PRR12: variants seen among roughly 807,000 people sequenced by gnomAD.
PRR12 encodes proline rich 12, also known as proline-rich protein 12.
PRR12 carries 12 observed loss-of-function variants against 138.0 expected under a neutral mutation model. The ratio of observed to expected loss-of-function variants is 0.09; its 90% CI spans 0.06 to 0.14. The LOEUF (loss-of-function observed/expected upper bound fraction) is 0.14, where lower values mean the gene tolerates loss of function less well. Ranked by LOEUF, PRR12 falls within the 10% of genes least tolerant of loss-of-function variation. PRR12 has a pLI of 1.00. For missense variants in PRR12, 2,692 were observed against 2,861.3 expected (o/e 0.94, Z 1.35); for synonymous variants, 1,567 against 1,291.7 (o/e 1.21, Z -4.57).
At chr19:49,609,192 A>G (rs943319298) in intron 6 of PRR12, among the ~76,000 whole-genome samples, 1 of 152,126 alleles carries the variant, frequency 6.6e-6, no homozygotes, top group African/African-American at 2.4e-5. Context: ...GCACATGCCT[A>G]TATTCCCAGC....
At chr19:49,612,758 G>C (rs535242661) in intron 6 of PRR12, among the ~76,000 whole-genome samples, 2 of 151,956 alleles carry the variant, frequency 1.3e-5, no homozygotes, top group African/African-American at 4.8e-5. Flanking sequence ...TCCACCTCCC[G>C]GGTTCAAGTG....
chr19:49,597,209 C>A lies in PRR12; in HGVS notation c.2874C>A (p.Ala958=). 6.4e-7 allele frequency: 1 copy of A among 1,564,874 alleles called. No individual in the cohort carries two copies. ...TGGAGGAGATGTTCGGTGGAGGGGC[C>A]GCGGACGACTACGGCAAGGCCGGGC... ...PTMEEMFGGG[A]ADDYGKAGPP... The change falls in exon 4 of 14, where the codon GCC becomes GCA. Residue 958 remains alanine, a synonymous_variant. Transcript: ENST00000418929. The surrounding 1 kb of genome is among the most constrained non-coding windows in gnomAD (Gnocchi z 6.3).
chr19:49,602,682 T>A (rs924974072), intron 6 of PRR12, among the ~76,000 whole-genome samples: 1 of 152,086 alleles, frequency 6.6e-6, no homozygotes, highest in Non-Finnish European at 1.5e-5. Flanking sequence ...CTCCCAACTA[T>A]CTGGGACTAC....
intron 6 of PRR12, among the ~76,000 whole-genome samples, chr19:49,612,982 G>A (rs1288806533): frequency 2.6e-5 from 4 of 151,888 alleles, no homozygotes; most frequent in African/African-American, 9.7e-5. Context: ...TTAAAGACAT[G>A]TTCCTTCCAG....
At position 49,621,613 on chromosome 19, in the gene PRR12, A is replaced by G. The variant is rs1379942345; in HGVS notation, c.5712A>G (p.Pro1904=). 2 of 1,591,528 alleles carry G rather than the reference A, an allele frequency of 1.3e-6. No homozygotes were observed. The highest frequency in any genetic ancestry group is 1.7e-6 in the Non-Finnish European group (2 of 1,169,864). Residue 1904 remains proline, a synonymous_variant, in exon 11 of 14, where the codon CCA becomes CCG. Transcript: ENST00000418929. ...TCCTGAAGCGGCTGTCGCTAAGCCCAGCCCTGCAGGTGCCTGGGGGTCTGG... is the reference window on the plus strand; with the variant it reads ...TCCTGAAGCGGCTGTCGCTAAGCCCGGCCCTGCAGGTGCCTGGGGGTCTGG... ...KKVLKRLSLS[P]ALQDALHTFP... is the part of the protein sequence containing the mutation.
At position 49,599,385 on chromosome 19, in the gene PRR12, G is replaced by A. The variant is rs1474453325; in HGVS notation, c.3792G>A (p.Glu1264=). The part of the protein sequence containing the change: ...LDSSLTREKI[E]AKIKEVEEKQ... The stretch of plus-strand genomic sequence containing the variant: ...CGAGCCTGACTCGGGAGAAGATCGA[G>A]GCCAAGATTAAGGAGGTGGAGGAGA... The change falls in exon 5 of 14, where the codon GAG becomes GAA. Residue 1264 remains glutamate, a synonymous_variant. Coordinates refer to ENST00000418929, the MANE Select transcript of PRR12 (RefSeq NM_020719.3). This position sits in a 1 kb window ranked among gnomAD's most constrained non-coding sequence, Gnocchi z 5.0. The A allele has an allele frequency of 6.8e-6, 11 of 1,612,732 alleles. No individual in the cohort carries two copies. Among genetic ancestry groups the A allele is most frequent in the Non-Finnish European group, 5.9e-6 (7 of 1,179,580 alleles).
At chr19:49,593,910 G>T (rs1343532033) in intron 2 of PRR12, among the ~76,000 whole-genome samples, 2 of 152,030 alleles carry the variant, frequency 1.3e-5, no homozygotes. Flanking sequence ...GTTTCTGATT[G>T]GTTCCCTCTT....
Position 49,594,977 on chromosome 19 carries a change from G to GGGGCCAGCTGGTCTC in PRR12, c.645_659dup (p.Gly218_Ala222dup), listed in dbSNP as rs1161347118. 6.3e-7 allele frequency: 1 copy of GGGGCCAGCTGGTCTC among 1,599,086 alleles called. No individual in the cohort carries two copies. The highest frequency in any genetic ancestry group is 8.5e-7 in the Non-Finnish European group (1 of 1,174,552). On this transcript the variant is annotated inframe_insertion, in exon 4 of 14. Transcript: ENST00000418929. The surrounding 1 kb of genome is among the most constrained non-coding windows in gnomAD (Gnocchi z 5.6). ...AGCGCCTGGCAGGGGGCGGTGTCTT[G>GGGGCCAGCTGGTCTC]GGGCCAGCTGGTCTCGGTCCAGCCC...
intron 6 of PRR12, among the ~76,000 whole-genome samples, chr19:49,605,082 C>A (rs1326856706): frequency 6.6e-6 from 1 of 151,884 alleles, no homozygotes; most frequent in East Asian, 1.9e-4. Context: ...AACTCCTGAC[C>A]TCGGGTGATC....
chr19:49,617,965 G>C (rs1350507646), intron 9 of PRR12, among the ~76,000 whole-genome samples: 1 of 152,112 alleles, frequency 6.6e-6, no homozygotes, highest in Non-Finnish European at 1.5e-5. Flanking sequence ...GGGTGTGGTG[G>C]TGCATGCCTA....
At chr19:49,607,640 G>A (rs1290344096) in intron 6 of PRR12, among the ~76,000 whole-genome samples, 1 of 151,834 alleles carries the variant, frequency 6.6e-6, no homozygotes, top group Non-Finnish European at 1.5e-5. Context: ...CCTGGGAGGT[G>A]GAGGTTGCAG....
chr19:49,599,304 T>C lies in PRR12; in HGVS notation c.3711T>C (p.Gly1237=), dbSNP rs1470261829. ...IKLSVPKAGE[G]LGTSSGDAIS... ...TGTCTGTGCCCAAGGCTGGCGAGGG[T>C]CTGGGAACCTCATCGGGTGATGCCA... Residue 1237 remains glycine, a synonymous_variant, in exon 5 of 14, where the codon GGT becomes GGC. Transcript: ENST00000418929. The surrounding 1 kb of genome is among the most constrained non-coding windows in gnomAD (Gnocchi z 5.0). 1.2e-6 allele frequency: 2 copies of C among 1,610,516 alleles called. No homozygotes were observed. Among genetic ancestry groups the C allele is most frequent in the Middle Eastern group, 1.7e-4 (1 of 6,038 alleles).
Position 49,616,362 on chromosome 19 carries a change from G to C in PRR12, c.5497+143G>C. On this transcript the variant is annotated intron_variant, in intron 9 of 13. Transcript: ENST00000418929. This position sits in a 1 kb window ranked among gnomAD's most constrained non-coding sequence, Gnocchi z 4.2. ...TAATGGCAGTAGCTCACAGTCACGG[G>C]GCATCTCACTACACGACAGGCTGCC... 1.4e-6 allele frequency: 1 copy of C among 695,658 alleles called. No homozygotes were observed. The highest frequency in any genetic ancestry group is 2.2e-6 in the Non-Finnish European group (1 of 456,816). The allele number at this position is 695,658 out of a possible 1,614,324, so 43.1% of individuals were successfully genotyped here.
At chr19:49,615,095 G>C in intron 8 of PRR12, 86 bp downstream of exon 8, 1 of 1,558,468 alleles carries the variant, frequency 6.4e-7, no homozygotes, top group East Asian at 2.3e-5. Flanking sequence ...AGGCTGGAGA[G>C]TGGGGGGTGG....
At chr19:49,591,835 C>T (rs1039271815) in intron 1 of PRR12, 95 bp downstream of exon 1, 4 of 656,220 alleles carry the variant, frequency 6.1e-6, no homozygotes, top group Non-Finnish European at 9.1e-6. Context: ...GCGACGCGTG[C>T]ATCGCAAACT....
At chr19:49,618,636 G>A (rs572118627) in intron 9 of PRR12, among the ~76,000 whole-genome samples, 2 of 152,050 alleles carry the variant, frequency 1.3e-5, no homozygotes, top group Non-Finnish European at 2.9e-5. Flanking sequence ...CGATCCTCTC[G>A]CCTCAGTCTC....
chr19:49,603,673 G>C (rs1179646467), intron 6 of PRR12, among the ~76,000 whole-genome samples: 1 of 151,950 alleles, frequency 6.6e-6, no homozygotes, highest in Non-Finnish European at 1.5e-5. Flanking sequence ...ACTCCAACCT[G>C]GGCACCAGAG....
Position 49,594,955 on chromosome 19 carries a change from G to T in PRR12, c.620G>T (p.Arg207Leu). The change falls in exon 4 of 14, where the codon CGC becomes CTC. Residue 207 changes from arginine to leucine, a missense_variant. Arg to Leu is a moderately radical substitution (Grantham distance 102). This residue lies in a region of PRR12 where 523 missense variants were observed against 496.4 expected (regional missense o/e 1.05). Coordinates refer to ENST00000418929, the MANE Select transcript of PRR12 (RefSeq NM_020719.3). The surrounding 1 kb of genome is among the most constrained non-coding windows in gnomAD (Gnocchi z 5.6). ...PTVPSSLGFE[R>L]LAGGGVLGPA... The stretch of plus-strand genomic sequence containing the variant: ...GTGCCCTCTTCACTGGGCTTCGAGC[G>T]CCTGGCAGGGGGCGGTGTCTTGGGG... 1 of 1,600,686 alleles carries T rather than the reference G, an allele frequency of 6.2e-7. No individual in the cohort carries two copies. Among genetic ancestry groups the T allele is most frequent in the East Asian group, 2.3e-5 (1 of 44,162 alleles).
Position 49,601,749 on chromosome 19 carries a change from C to T in PRR12, c.4604C>T (p.Pro1535Leu). The T allele has an allele frequency of 6.4e-7, 1 of 1,567,102 alleles. No homozygotes were observed. ...CCTGAGGAGCCCGCCGCCCCGTCTC[C>T]CGAAGACCCCGAGCTGCCGGACACC... is the stretch of plus-strand genomic sequence containing the variant. The part of the protein sequence containing the change: ...APPEEPAAPS[P>L]EDPELPDTRP... Residue 1535 changes from proline to leucine, a missense_variant, in exon 6 of 14, where the codon CCC becomes CTC. By Grantham distance (98) the Pro-to-Leu change is moderately conservative. This residue lies in a region of PRR12 where 231 missense variants were observed against 200.8 expected (regional missense o/e 1.15). Coordinates refer to ENST00000418929, the MANE Select transcript of PRR12 (RefSeq NM_020719.3).
Sources: allele counts gnomAD v4.1 joint callset (sites outside exome capture counted in the v4.1 genomes callset), GRCh38; gene constraint gnomAD v4.1.1; regional missense constraint gnomAD v4.1.1; non-coding constraint Gnocchi (gnomAD v3.1); transcripts MANE v1.5; gene names NCBI Gene and HGNC (gene_info 2026-07-23, HGNC 2026-07-21).